RAPGEF1: variants seen among roughly 807,000 people sequenced by gnomAD.
RAPGEF1 encodes Rap guanine nucleotide exchange factor 1, also known as CRK SH3-binding GNRP.
RAPGEF1 carries 33 observed loss-of-function variants against 143.3 expected under a neutral mutation model. The observed-to-expected ratio is 0.23, with a 90% CI of 0.17 to 0.31. RAPGEF1 has a LOEUF of 0.31. Among genes scored for constraint, RAPGEF1 ranks in the 10% least tolerant of loss-of-function variants. The pLI, the probability that RAPGEF1 is intolerant of heterozygous loss-of-function variation, is 1.00. For missense variants in RAPGEF1, 1,199 were observed against 1,645.4 expected, an observed-to-expected ratio of 0.73 and a Z score of 4.69; for synonymous variants, 629 against 676.5, an observed-to-expected ratio of 0.93 and a Z score of 1.09.
At chr9:131,670,601 G>A (rs1004147358) in intron 1 of RAPGEF1, among the ~76,000 whole-genome samples, 2 of 152,158 alleles carry the variant, frequency 1.3e-5, no homozygotes, top group East Asian at 1.9e-4. Context: ...CATAGCAGAC[G>A]CACATCAAAG....
At chr9:131,681,863 C>T (rs939508076) in intron 1 of RAPGEF1, among the ~76,000 whole-genome samples, 6 of 152,142 alleles carry the variant, frequency 3.9e-5, no homozygotes, top group Non-Finnish European at 7.3e-5. Flanking sequence ...AAGAACCATA[C>T]GTTGATTTTA....
At chr9:131,633,303 G>C (rs1273254963) in intron 5 of RAPGEF1, among the ~76,000 whole-genome samples, 1 of 152,172 alleles carries the variant, frequency 6.6e-6, no homozygotes, top group Non-Finnish European at 1.5e-5. Flanking sequence ...CCTGGAGGAG[G>C]GAGGACGGTG....
intron 12 of RAPGEF1, among the ~76,000 whole-genome samples, chr9:131,613,804 T>G (rs1246802403): frequency 6.6e-6 from 1 of 152,144 alleles, no homozygotes; most frequent in African/African-American, 2.4e-5. Flanking sequence ...GGGTATGAAC[T>G]TGTAGACTCT....
At chr9:131,730,823 T>A (rs1837022650) in intron 1 of RAPGEF1, among the ~76,000 whole-genome samples, 1 of 151,412 alleles carries the variant, frequency 6.6e-6, no homozygotes, top group Admixed American at 6.6e-5. Flanking sequence ...TTGCCCACGG[T>A]CACCCAGCCA....
chr9:131,590,958 T>C (rs1162969720), intron 18 of RAPGEF1, among the ~76,000 whole-genome samples: 5 of 152,160 alleles, frequency 3.3e-5, no homozygotes, highest in Admixed American at 3.3e-4. Context: ...AGTGGCCCCA[T>C]GTATAATATG....
chr9:131,601,962 C>T (rs533364546), intron 15 of RAPGEF1, 99 bp downstream of exon 15: 1 of 820,756 alleles, frequency 1.2e-6, no homozygotes, highest in African/African-American at 1.8e-5. Flanking sequence ...TTGAAATACC[C>T]TCAGGCCTAG....
At chr9:131,694,937 A>C (rs1834040617) in intron 1 of RAPGEF1, among the ~76,000 whole-genome samples, 1 of 146,554 alleles carries the variant, frequency 6.8e-6, no homozygotes, top group Non-Finnish European at 1.5e-5. Flanking sequence ...TCCTAATGCT[A>C]TCCCTTCCCC....
At chr9:131,708,224 C>T (rs1835222032) in intron 1 of RAPGEF1, among the ~76,000 whole-genome samples, 1 of 152,168 alleles carries the variant, frequency 6.6e-6, no homozygotes, top group Non-Finnish European at 1.5e-5. Context: ...TAAACACACC[C>T]ATATATGCAG....
chr9:131,726,756 G>T (rs1836699807), intron 1 of RAPGEF1, among the ~76,000 whole-genome samples: 2 of 151,846 alleles, frequency 1.3e-5, no homozygotes, highest in South Asian at 4.2e-4. Context: ...TGTGGTAGTG[G>T]TTATGCAAAT....
intron 1 of RAPGEF1, among the ~76,000 whole-genome samples, 198 bp from the exon 2 acceptor site, chr9:131,651,147 T>C (rs370568554): frequency 2.0e-5 from 3 of 152,192 alleles, no homozygotes; most frequent in Admixed American, 6.5e-5. Flanking sequence ...CATCAAGGAA[T>C]TGTGGAAATC....
intron 3 of RAPGEF1, among the ~76,000 whole-genome samples, chr9:131,644,251 C>A (rs909437642): frequency 6.6e-6 from 1 of 152,158 alleles, no homozygotes; most frequent in African/African-American, 2.4e-5. Flanking sequence ...CTACACACCC[C>A]TTTTGTTCTT....
intron 1 of RAPGEF1, among the ~76,000 whole-genome samples, chr9:131,700,425 T>C (rs550189603): frequency 4.6e-5 from 7 of 152,296 alleles, no homozygotes; most frequent in African/African-American, 1.7e-4. Context: ...CTCTATATGA[T>C]ACCTGTCATC....
At chr9:131,624,699 T>G (rs985114789) in intron 10 of RAPGEF1, among the ~76,000 whole-genome samples, 1 of 152,204 alleles carries the variant, frequency 6.6e-6, no homozygotes. Context: ...TTTAAACACT[T>G]GTCCATGCAG....
intron 1 of RAPGEF1, among the ~76,000 whole-genome samples, 189 bp downstream of exon 1, chr9:131,739,581 C>A (rs1306377841): frequency 6.7e-6 from 1 of 149,880 alleles, no homozygotes; most frequent in Admixed American, 6.6e-5. Context: ...CGGCCGCTTC[C>A]CCCCGCGCCC....
intron 12 of RAPGEF1, among the ~76,000 whole-genome samples, chr9:131,617,424 G>A (rs890430595): frequency 2.0e-5 from 3 of 152,272 alleles, no homozygotes. Context: ...TCCTCAGACA[G>A]GCAGGACCAT....
chr9:131,592,292 G>A (rs1196310522), intron 17 of RAPGEF1, 109 bp from the exon 18 acceptor site: 9 of 846,898 alleles, frequency 1.1e-5, no homozygotes, highest in Admixed American at 6.2e-5. Context: ...GAGATGGCAC[G>A]GGGAGTGGGA....
At chr9:131,586,933 C>T (rs1953099127) in intron 22 of RAPGEF1, among the ~76,000 whole-genome samples, 1 of 119,644 alleles carries the variant, frequency 8.4e-6, no homozygotes, top group Admixed American at 7.9e-5. Context: ...CTCAAACACA[C>T]ACACACACAC....
rs981407036 is a variant in RAPGEF1, at chr9:131,667,083, G to A, written c.62-16134C>T. Among the ~76,000 whole-genome samples the A allele has an allele frequency of 3.3e-5, 5 of 152,130 alleles. No individual in the cohort carries two copies. The South Asian group carries it at 8.3e-4, about 25-fold the overall frequency. On this transcript the variant is annotated intron_variant, in intron 1 of 26. Transcript: ENST00000683357. The surrounding 1 kb of genome is among the most constrained non-coding windows in gnomAD (Gnocchi z 4.6). Reference sequence around the variant, plus strand: ...CGGCTCACTGCCATCTCCATCTCACGGGTTCAAGTGATTCTCCTGCCTTGG... The same window carrying A: ...CGGCTCACTGCCATCTCCATCTCACAGGTTCAAGTGATTCTCCTGCCTTGG...
rs923714073 is a variant in RAPGEF1, at chr9:131,583,997, C to A, written c.3414+314G>T. Among the ~76,000 whole-genome samples, 9 of 152,238 alleles carry A rather than the reference C, an allele frequency of 5.9e-5. No homozygotes were observed. The highest frequency in any genetic ancestry group is 2.1e-4 in the South Asian group (1 of 4,836). ...ACCGCAGTGCCCGGCCCGAAGCAGACCCTTCAGAAGAACGGGCTGAGGGCG... is the reference window on the plus strand; with the variant it reads ...ACCGCAGTGCCCGGCCCGAAGCAGAACCTTCAGAAGAACGGGCTGAGGGCG... On this transcript the variant is annotated intron_variant, in intron 24 of 26. Transcript: ENST00000683357. This position sits in a 1 kb window ranked among gnomAD's most constrained non-coding sequence, Gnocchi z 4.7.
Sources: gnomAD v4.1 joint callset for allele counts (sites outside exome capture counted in the v4.1 genomes callset) on GRCh38, gnomAD v4.1.1 for gene constraint, Gnocchi (gnomAD v3.1) non-coding constraint, MANE v1.5 for transcripts, NCBI Gene and HGNC (gene_info 2026-07-23, HGNC 2026-07-21) for gene names.